The following NRXN1 variants were observed in gnomAD, a reference collection of about 807,000 sequenced individuals.
The protein encoded by NRXN1 is neurexin 1.
Under a neutral mutation model 150.9 loss-of-function variants are expected in NRXN1, and 39 were observed. That is an observed-to-expected ratio of 0.26 (90% CI 0.20 to 0.34). NRXN1 has a LOEUF of 0.34. Ranked by LOEUF, NRXN1 falls within the 10% of genes least tolerant of loss-of-function variation. The pLI, the probability that NRXN1 is intolerant of heterozygous loss-of-function variation, is 1.00. For missense variants in NRXN1, 1,815 were observed against 1,949.9 expected (o/e 0.93, Z 1.30); for synonymous variants, 924 against 757.0 (o/e 1.22, Z -3.62).
rs553166046 is a variant in NRXN1, at chr2:50,669,386, A to C, written c.833-45771T>G. Among the ~76,000 whole-genome samples the C allele has an allele frequency of 1.4e-4, 22 of 152,150 alleles. 1 individual carries two copies. In the South Asian group the frequency reaches 4.1e-3, roughly 29 times the overall value. ...AATTTTTCCTGAAATACTCATTGCA[A>C]TAGAAATAAATAGCAATATCAAAAA... is the stretch of plus-strand genomic sequence containing the variant. On this transcript the variant is annotated intron_variant, in intron 5 of 22. Coordinates refer to ENST00000401669, the MANE Select transcript of NRXN1 (RefSeq NM_001330078.2).
intron 17 of NRXN1, among the ~76,000 whole-genome samples, chr2:50,455,518 A>C (rs909233769): frequency 6.6e-6 from 1 of 152,192 alleles, no homozygotes; most frequent in African/African-American, 2.4e-5. Flanking sequence ...GATTTACAGA[A>C]TTACTGTCAC....
rs1025402480 is a variant in NRXN1 at position 50,412,353 on chromosome 2, T to C, written c.3364+53089A>G. Among the ~76,000 whole-genome samples, 7 of 151,454 alleles carry C rather than the reference T, an allele frequency of 4.6e-5. No homozygotes were observed. In the South Asian group the frequency reaches 1.3e-3, roughly 27 times the overall value. On this transcript the variant is annotated intron_variant, in intron 17 of 22. Coordinates refer to ENST00000401669, the MANE Select transcript of NRXN1 (RefSeq NM_001330078.2). The stretch of plus-strand genomic sequence containing the variant: ...AAAAAATAAAAAAAATAATAAATAA[T>C]AAAAATAATCTTAAAGAGACATAAT...
At chr2:50,415,010 T>G (rs1428129031) in intron 17 of NRXN1, among the ~76,000 whole-genome samples, 1 of 152,162 alleles carries the variant, frequency 6.6e-6, no homozygotes, top group South Asian at 2.1e-4. Context: ...CATTACTCTC[T>G]TGTCACTTCA....
chr2:50,532,844 G>A lies in NRXN1; in HGVS notation c.2144-1414C>T, dbSNP rs181584190. 3.9e-5 allele frequency among the ~76,000 whole-genome samples: 6 copies of A among 152,234 alleles called. No homozygotes were observed. In the East Asian group the frequency reaches 1.2e-3, roughly 29 times the overall value. ...TAATGTTAAGCACCATATGGTAGTG[G>A]AATATTGCAAAACAAGCGTGAATCA... On this transcript the variant is annotated intron_variant, in intron 10 of 22. Coordinates refer to ENST00000401669, the MANE Select transcript of NRXN1 (RefSeq NM_001330078.2).
intron 22 of NRXN1, among the ~76,000 whole-genome samples, chr2:49,939,638 T>C (rs1671635487): frequency 6.6e-6 from 1 of 152,136 alleles, no homozygotes; most frequent in African/African-American, 2.4e-5. Flanking sequence ...GTTTCATCAG[T>C]TGCCCACCAA....
intron 2 of NRXN1, among the ~76,000 whole-genome samples, chr2:50,949,859 G>T (rs1691015404): frequency 6.6e-6 from 1 of 152,098 alleles, no homozygotes; most frequent in African/African-American, 2.4e-5. Flanking sequence ...GCCACACACA[G>T]CCTTTTCTTG....
chr2:50,019,140 G>A (rs1007388432), intron 21 of NRXN1: 8 of 468,502 alleles, frequency 1.7e-5, no homozygotes, highest in Non-Finnish European at 3.5e-5. Flanking sequence ...TAGGGTATAG[G>A]GTTCGATTAC....
chr2:50,608,865 T>G (rs2104041148), intron 8 of NRXN1, among the ~76,000 whole-genome samples: 1 of 152,262 alleles, frequency 6.6e-6, no homozygotes, highest in Non-Finnish European at 1.5e-5. Context: ...GATAACATTC[T>G]TAAGAACTAA....
chr2:50,879,031 A>T (rs1679034406), intron 5 of NRXN1, among the ~76,000 whole-genome samples: 1 of 151,890 alleles, frequency 6.6e-6, no homozygotes, highest in Non-Finnish European at 1.5e-5. Context: ...ACTGGTCTAG[A>T]TGTTGTAAAG....
intron 17 of NRXN1, among the ~76,000 whole-genome samples, chr2:50,382,075 G>A (rs557989110): frequency 1.1e-4 from 17 of 151,966 alleles, no homozygotes; most frequent in South Asian, 2.1e-4. Context: ...CTCAATCTCC[G>A]ACCAGAACTA....
chr2:50,074,501 A>G (rs920917246), intron 19 of NRXN1, among the ~76,000 whole-genome samples: 1 of 152,170 alleles, frequency 6.6e-6, no homozygotes, highest in African/African-American at 2.4e-5. Context: ...ACTTTTAAGA[A>G]TAATATGTAA....
intron 17 of NRXN1, among the ~76,000 whole-genome samples, chr2:50,461,030 G>A (rs1327409699): frequency 4.6e-5 from 7 of 151,966 alleles, no homozygotes; most frequent in African/African-American, 7.2e-5. Flanking sequence ...AAAAATATAT[G>A]TTATGATTCA....
rs77263445 is a variant in NRXN1 at position 50,558,633 on chromosome 2, T to C, written c.1321-5608A>G. On this transcript the variant is annotated intron_variant, in intron 8 of 22. Transcript: ENST00000401669. ...TGATATTGTAGTTTTTCAACAGGTATGTCATTTAGAATGTAACAAACGTTA... is the reference window on the plus strand; with the variant it reads ...TGATATTGTAGTTTTTCAACAGGTACGTCATTTAGAATGTAACAAACGTTA... 7.2e-3 allele frequency among the ~76,000 whole-genome samples: 1,099 copies of C among 152,348 alleles called. 13 individuals carry two copies. Among genetic ancestry groups the C allele is most frequent in the African/African-American group, 0.025 (1,050 of 41,568 alleles).
In NRXN1 at chr2:50,434,803, AT is replaced by A. The variant is rs143403206; in HGVS notation, c.3364+30638del. ...TTCTCACTGCTGCTCTCATAAGACT[AT>A]TTTTTTTTTCCCTCCTGCAGATCAG... is the stretch of plus-strand genomic sequence containing the variant. On this transcript the variant is annotated intron_variant, in intron 17 of 22. Transcript: ENST00000401669. Among the ~76,000 whole-genome samples the A allele has an allele frequency of 1.5e-3, 222 of 149,678 alleles. 1 individual carries two copies. Among genetic ancestry groups the A allele is most frequent in the African/African-American group, 4.6e-3 (190 of 40,936 alleles).
intron 18 of NRXN1, among the ~76,000 whole-genome samples, chr2:50,104,964 A>G (rs1397617349): frequency 6.6e-6 from 1 of 152,006 alleles, no homozygotes; most frequent in Non-Finnish European, 1.5e-5. Context: ...CAGCCTACCA[A>G]TCTCCATGTT....
chr2:50,280,277 CA>C (rs4032052), intron 17 of NRXN1, among the ~76,000 whole-genome samples: 6,433 of 122,462 alleles, frequency 0.053, 129 homozygotes, highest in African/African-American at 0.089. Context: ...GAATCAGTCT[CA>C]AAAAAAAAAA....
At chr2:50,638,003 T>C (rs1165571681) in intron 5 of NRXN1, among the ~76,000 whole-genome samples, 1 of 152,180 alleles carries the variant, frequency 6.6e-6, no homozygotes, top group African/African-American at 2.4e-5. Context: ...ACAAGCTTTA[T>C]TTCAATTGTG....
chr2:50,916,572 C>T (rs917418878), intron 5 of NRXN1, among the ~76,000 whole-genome samples: 2 of 151,558 alleles, frequency 1.3e-5, no homozygotes, highest in Non-Finnish European at 3.0e-5. Context: ...TCCATTATGT[C>T]ATAATTTGAA....
At position 50,575,691 on chromosome 2, in the gene NRXN1, C is replaced by G. The variant is rs766282666; in HGVS notation, c.1321-22666G>C. 5.5e-4 allele frequency among the ~76,000 whole-genome samples: 83 copies of G among 151,902 alleles called. No homozygotes were observed. The Middle Eastern group carries it at 0.01, about 19-fold the overall frequency. ...TTGGCTAAAATATGTTGCTGGATACCCATTTCATAAGGACAGAGTCCACAT... is the reference window on the plus strand; with the variant it reads ...TTGGCTAAAATATGTTGCTGGATACGCATTTCATAAGGACAGAGTCCACAT... On this transcript the variant is annotated intron_variant, in intron 8 of 22. Coordinates refer to ENST00000401669, the MANE Select transcript of NRXN1 (RefSeq NM_001330078.2).
Sources: gnomAD v4.1 joint callset for allele counts (sites outside exome capture counted in the v4.1 genomes callset) on GRCh38, gnomAD v4.1.1 for gene constraint, MANE v1.5 for transcripts, NCBI Gene and HGNC (gene_info 2026-07-23, HGNC 2026-07-21) for gene names.